The following ADPRM variants were observed in gnomAD, a reference collection of about 807,000 sequenced individuals.
The protein encoded by ADPRM is ADP-ribose/CDP-alcohol diphosphatase, manganese dependent, also known as manganese-dependent ADP-ribose/CDP-alcohol diphosphatase.
In ADPRM, 17 loss-of-function variants were observed where a neutral mutation model predicts 27.2. That is an observed-to-expected ratio of 0.63 (90% CI 0.43 to 0.94). The LOEUF is 0.94. Ranked by LOEUF, ADPRM falls within the 40% of genes least tolerant of loss-of-function variation. ADPRM has a pLI of 0.00. For synonymous variants in ADPRM, 135 were observed against 145.3 expected (o/e 0.93, Z 0.51); for missense variants, 337 against 412.8 (o/e 0.82, Z 1.59).
chr17:10,706,307 CTATTT>C, intron 2 of ADPRM, 126 bp from the exon 3 acceptor site: 1 of 608,930 alleles, frequency 1.6e-6, no homozygotes, highest in African/African-American at 2.0e-5. Context: ...TTGTGATTTC[CTATTT>C]TAAGTTGATT....
intron 1 of ADPRM, 135 bp from the exon 2 acceptor site, chr17:10,704,775 C>G: frequency 1.5e-6 from 1 of 689,048 alleles, no homozygotes; most frequent in Non-Finnish European, 2.4e-6. Flanking sequence ...CTGTTGGGCT[C>G]TAAAGCCCAC....
intron 1 of ADPRM, among the ~76,000 whole-genome samples, chr17:10,701,361 C>T (rs1463422011): frequency 8.6e-5 from 13 of 151,054 alleles, no homozygotes; most frequent in Admixed American, 3.3e-4. Context: ...GATGGAGTCT[C>T]GCTCTGTTGC....
intron 3 of ADPRM, among the ~76,000 whole-genome samples, chr17:10,708,958 G>T (rs903923205): frequency 2.6e-5 from 4 of 152,096 alleles, no homozygotes; most frequent in African/African-American, 4.8e-5. Flanking sequence ...ATCTAATTTA[G>T]CAGTCTCTTA....
At chr17:10,698,615 C>T (rs2074752321) in intron 1 of ADPRM, among the ~76,000 whole-genome samples, 1 of 152,164 alleles carries the variant, frequency 6.6e-6, no homozygotes, top group South Asian at 2.1e-4. Context: ...TGGACCAGAG[C>T]ATGGTTGGTT....
chr17:10,710,735 T>G (rs1280474063), intron 3 of ADPRM, 99 bp from the exon 4 acceptor site: 4 of 349,880 alleles, frequency 1.1e-5, no homozygotes, highest in African/African-American at 2.6e-4. Context: ...GAGATAGCAA[T>G]TTTTTTTTCT....
chr17:10,699,989 A>G (rs2074765870), intron 1 of ADPRM, among the ~76,000 whole-genome samples: 3 of 152,174 alleles, frequency 2.0e-5, no homozygotes, highest in Admixed American at 2.0e-4. Flanking sequence ...CCAGCACCCT[A>G]ATGTGTTTAC....
intron 3 of ADPRM, among the ~76,000 whole-genome samples, chr17:10,708,351 A>G (rs1416479049): frequency 7.1e-6 from 1 of 141,578 alleles, no homozygotes; most frequent in Non-Finnish European, 1.5e-5. Context: ...ATCACCTGAA[A>G]CCAGAAGGCA....
At chr17:10,708,247 G>A (rs1347740427) in intron 3 of ADPRM, among the ~76,000 whole-genome samples, 1 of 151,850 alleles carries the variant, frequency 6.6e-6, no homozygotes, top group Non-Finnish European at 1.5e-5. Flanking sequence ...TAGCCAACAT[G>A]GTGAAACCCC....
intron 2 of ADPRM, 82 bp from the exon 3 acceptor site, chr17:10,706,356 G>T (rs2074812436): frequency 2.3e-6 from 2 of 859,808 alleles, no homozygotes. Flanking sequence ...GAAAAAACAA[G>T]TGTCCCTACA....
rs117800152 is a variant in ADPRM, at chr17:10,701,959, C to T, written c.-17-2951C>T. Among the ~76,000 whole-genome samples the T allele has an allele frequency of 2.7e-3, 413 of 152,280 alleles. 2 individuals are homozygous for T. The highest frequency in any genetic ancestry group is 5.0e-3 in the Non-Finnish European group (338 of 68,028). On this transcript the variant is annotated intron_variant, in intron 1 of 3. Transcript: ENST00000379774. The stretch of plus-strand genomic sequence containing the variant: ...ACCTGGTTCTTTTTGCACTGCCGTA[C>T]TCACTTCTGATCCTATCTTTCCCTG...
chr17:10,710,756 A>C, intron 3 of ADPRM, 78 bp from the exon 4 acceptor site: 1 of 1,372,984 alleles, frequency 7.3e-7, no homozygotes, highest in Non-Finnish European at 1.0e-6. Context: ...TTTTCTGAGT[A>C]CTAGCTTTTA....
intron 3 of ADPRM, among the ~76,000 whole-genome samples, chr17:10,706,994 T>G (rs1221990416): frequency 6.6e-6 from 1 of 152,186 alleles, no homozygotes; most frequent in African/African-American, 2.4e-5. Context: ...AATATTGACA[T>G]TAATACAAAA....
At position 10,708,682 on chromosome 17, in the gene ADPRM, C is replaced by T. The variant is rs528804586; in HGVS notation, c.718+2128C>T. 3.9e-5 allele frequency among the ~76,000 whole-genome samples: 6 copies of T among 152,240 alleles called. No homozygotes were observed. In the East Asian group the frequency reaches 1.2e-3, roughly 29 times the overall value. On this transcript the variant is annotated intron_variant, in intron 3 of 3. Coordinates refer to ENST00000379774, the MANE Select transcript of ADPRM (RefSeq NM_020233.5). ...CTTTTGGCTCTATAATAAGTGGTCT[C>T]AGAAACTAGGATACTTCTTGACTTG...
intron 1 of ADPRM, chr17:10,698,379 A>G (rs1333617605): frequency 1.3e-5 from 2 of 152,128 alleles, no homozygotes; most frequent in Non-Finnish European, 2.9e-5. Context: ...TCTTTGTGAA[A>G]GTCTAACTTC....
chr17:10,711,084 G>C lies in ADPRM; in HGVS notation c.969G>C (p.Gly323=), dbSNP rs1309505580. 1.2e-6 allele frequency: 2 copies of C among 1,613,970 alleles called. No homozygotes were observed. The highest frequency in any genetic ancestry group is 8.5e-7 in the Non-Finnish European group (1 of 1,179,938). Residue 323 remains glycine (G), a synonymous_variant, in exon 4 of 4, where the codon GGG becomes GGC. Coordinates refer to ENST00000379774, the MANE Select transcript of ADPRM (RefSeq NM_020233.5). ...ATCCTGACAAAATGATGTTGAAAGGGAGAGGCAGAGTTCCAGATAGAATTA... is the reference window on the plus strand; with the variant it reads ...ATCCTGACAAAATGATGTTGAAAGGCAGAGGCAGAGTTCCAGATAGAATTA... ...HVYPDKMMLK[G]RGRVPDRIMN... is the part of the protein sequence containing the mutation.
In ADPRM at chr17:10,697,614, G is replaced by A. The variant is rs2074742009; in HGVS notation, c.-71G>A. On this transcript the variant is annotated 5_prime_UTR_variant, in exon 1 of 4. Transcript: ENST00000379774. Reference sequence around the variant, plus strand: ...GCTCTGTCCGTCCCGCTCGTTGGTGGCGCTGTTACATAGCCCGTAGTCAGA... The same window carrying A: ...GCTCTGTCCGTCCCGCTCGTTGGTGACGCTGTTACATAGCCCGTAGTCAGA... 5.7e-6 allele frequency: 8 copies of A among 1,400,050 alleles called. No individual in the cohort carries two copies. The highest frequency in any genetic ancestry group is 1.8e-4 in the Middle Eastern group (1 of 5,556). The allele number at this position is 1,400,050 out of a possible 1,614,324, so 86.7% of individuals were successfully genotyped here. A position where few individuals can be genotyped will look rare whatever the true frequency, so the allele number is the denominator to read the frequency against.
chr17:10,701,370 G>A (rs528737168), intron 1 of ADPRM, among the ~76,000 whole-genome samples: 32 of 149,090 alleles, frequency 2.1e-4, no homozygotes, highest in Non-Finnish European at 4.3e-4. Context: ...TCGCTCTGTT[G>A]CCCAGGCTGG....
rs185181137 is a variant in ADPRM, at chr17:10,702,174, A to G, written c.-17-2736A>G. Among the ~76,000 whole-genome samples, 226 of 152,354 alleles carry G rather than the reference A, an allele frequency of 1.5e-3. 2 individuals carry two copies. Among genetic ancestry groups the G allele is most frequent in the African/African-American group, 5.1e-3 (210 of 41,580 alleles). On this transcript the variant is annotated intron_variant, in intron 1 of 3. Transcript: ENST00000379774. The surrounding 1 kb of genome is among the most constrained non-coding windows in gnomAD (Gnocchi z 4.2). ...ACTTCTGGTCCCAAGCATTTTGGATAAGGAGATACTAACCTTATTTTTAAA... is the reference window on the plus strand; with the variant it reads ...ACTTCTGGTCCCAAGCATTTTGGATGAGGAGATACTAACCTTATTTTTAAA...
At chr17:10,710,621 CAT>C (rs2074845173) in intron 3 of ADPRM, among the ~76,000 whole-genome samples, 1 of 152,180 alleles carries the variant, frequency 6.6e-6, no homozygotes, top group Non-Finnish European at 1.5e-5. Context: ...TGTCGCGCCT[CAT>C]GTGAACTGTC....
Sources: gnomAD v4.1 joint callset for allele counts (sites outside exome capture counted in the v4.1 genomes callset) on GRCh38, gnomAD v4.1.1 for gene constraint, Gnocchi (gnomAD v3.1) non-coding constraint, MANE v1.5 for transcripts, NCBI Gene and HGNC (gene_info 2026-07-23, HGNC 2026-07-21) for gene names.